Variants in EPHA5 observed in about 807,000 individuals in gnomAD.
EPHA5 encodes the protein ephrin type-A receptor 5.
A neutral mutation model predicts 105.0 loss-of-function variants in EPHA5; 60 were observed. The ratio of observed to expected loss-of-function variants is 0.57; its 90% CI spans 0.46 to 0.71. EPHA5 has a LOEUF of 0.71. Among genes scored for constraint, EPHA5 ranks in the 30% least tolerant of loss-of-function variants. The pLI, the probability that EPHA5 is intolerant of heterozygous loss-of-function variation, is 0.00. For synonymous variants in EPHA5, 513 were observed against 449.1 expected (o/e 1.14, Z -1.80); for missense variants, 1,218 against 1,274.7 (o/e 0.96, Z 0.68).
chr4:65,529,118 C>T (rs1243717371), intron 3 of EPHA5, among the ~76,000 whole-genome samples: 1 of 152,014 alleles, frequency 6.6e-6, no homozygotes, highest in Non-Finnish European at 1.5e-5. Flanking sequence ...TTTAAAACAA[C>T]TATAGTATAA....
At chr4:65,522,006 C>T (rs1734777347) in intron 3 of EPHA5, among the ~76,000 whole-genome samples, 1 of 151,950 alleles carries the variant, frequency 6.6e-6, no homozygotes, top group Admixed American at 6.6e-5. Context: ...ATTTCATAGT[C>T]TATCTAAAAA....
At chr4:65,618,169 G>A (rs1745410211) in intron 2 of EPHA5, among the ~76,000 whole-genome samples, 1 of 152,046 alleles carries the variant, frequency 6.6e-6, no homozygotes, top group Admixed American at 6.6e-5. Context: ...AGGAGAACAA[G>A]AGCCCCAATG....
chr4:65,635,361 C>CT (rs1747023994), intron 2 of EPHA5, among the ~76,000 whole-genome samples: 1 of 152,030 alleles, frequency 6.6e-6, no homozygotes, highest in Non-Finnish European at 1.5e-5. Context: ...CCTAAAAGTT[C>CT]TTAAGATCAG....
Position 65,323,261 on chromosome 4 carries a change from G to A in EPHA5, c.*853C>T, listed in dbSNP as rs1205506151. On this transcript the variant is annotated 3_prime_UTR_variant, in exon 17 of 17. Transcript: ENST00000613740. ...GAGACACAAGCTTGTGTTAAATTTTGTTTTACTGCTTCCCTATTTCTCCTA... is the reference window on the plus strand; with the variant it reads ...GAGACACAAGCTTGTGTTAAATTTTATTTTACTGCTTCCCTATTTCTCCTA... 1 of 229,130 alleles carries A rather than the reference G, an allele frequency of 4.4e-6. No individual in the cohort carries two copies. Among genetic ancestry groups the A allele is most frequent in the African/African-American group, 2.2e-5 (1 of 45,030 alleles). 14.2% of individuals were successfully genotyped at this position (229,130 alleles called of 1,614,324 possible).
At chr4:65,467,302 A>G (rs937680054) in intron 5 of EPHA5, among the ~76,000 whole-genome samples, 1 of 152,186 alleles carries the variant, frequency 6.6e-6, no homozygotes, top group South Asian at 2.1e-4. Context: ...GTATTCCAAC[A>G]GTGGTAGATT....
chr4:65,573,386 G>A, intron 3 of EPHA5: 1 of 922,520 alleles, frequency 1.1e-6, no homozygotes, highest in South Asian at 1.9e-5. Context: ...ACTCCAGCCT[G>A]GGTGACCGAG....
chr4:65,384,613 G>A (rs984408443), intron 8 of EPHA5, among the ~76,000 whole-genome samples: 1 of 151,772 alleles, frequency 6.6e-6, no homozygotes, highest in Non-Finnish European at 1.5e-5. Flanking sequence ...GTCTGCCTTT[G>A]GGTTTCTACC....
intron 3 of EPHA5, among the ~76,000 whole-genome samples, chr4:65,553,395 A>T (rs2149343734): frequency 6.6e-6 from 1 of 152,134 alleles, no homozygotes; most frequent in East Asian, 1.9e-4. Flanking sequence ...CTGTTACTTT[A>T]TGTTTTCTCC....
chr4:65,579,048 G>A (rs1026297387), intron 3 of EPHA5, among the ~76,000 whole-genome samples: 7 of 151,822 alleles, frequency 4.6e-5, no homozygotes, highest in Admixed American at 3.3e-4. Flanking sequence ...GTTTCAAAAT[G>A]TTAATCTAAA....
At chr4:65,418,615 T>A (rs1190941150) in intron 6 of EPHA5, among the ~76,000 whole-genome samples, 1 of 152,178 alleles carries the variant, frequency 6.6e-6, no homozygotes, top group Non-Finnish European at 1.5e-5. Context: ...CAGTAAGACA[T>A]TCCTAGAAAG....
intron 2 of EPHA5, among the ~76,000 whole-genome samples, chr4:65,635,764 T>G (rs555211016): frequency 4.1e-4 from 63 of 152,290 alleles, no homozygotes; most frequent in African/African-American, 1.5e-3. Context: ...CTATATAAAT[T>G]AATCAATACA....
intron 11 of EPHA5, 80 bp from the exon 12 acceptor site, chr4:65,353,183 T>C (rs538545705): frequency 6.0e-6 from 3 of 501,722 alleles, no homozygotes; most frequent in Non-Finnish European, 3.3e-6. Flanking sequence ...CAGAAGTTTT[T>C]ATTAGTGTCA....
intron 3 of EPHA5, among the ~76,000 whole-genome samples, chr4:65,534,951 G>A (rs796679920): frequency 1.3e-5 from 2 of 152,086 alleles, no homozygotes; most frequent in African/African-American, 2.4e-5. Context: ...TGGACAGCCA[G>A]GTAAAATATG....
At chr4:65,616,982 T>C (rs1051506645) in intron 2 of EPHA5, among the ~76,000 whole-genome samples, 1 of 152,110 alleles carries the variant, frequency 6.6e-6, no homozygotes, top group African/African-American at 2.4e-5. Context: ...GCAATATGTA[T>C]AGAAAAGCGA....
At chr4:65,602,439 G>T in intron 2 of EPHA5, 135 bp from the exon 3 acceptor site, 1 of 620,592 alleles carries the variant, frequency 1.6e-6, no homozygotes, top group South Asian at 3.5e-5. Flanking sequence ...ATTTACAGAA[G>T]GAACTAGATA....
chr4:65,485,225 A>G (rs1419551453), intron 5 of EPHA5, among the ~76,000 whole-genome samples: 1 of 151,940 alleles, frequency 6.6e-6, no homozygotes, highest in Non-Finnish European at 1.5e-5. Context: ...AATTGGCCAA[A>G]GAATTCTTTA....
At chr4:65,576,077 A>G (rs978753176) in intron 3 of EPHA5, among the ~76,000 whole-genome samples, 12 of 92,952 alleles carry the variant, frequency 1.3e-4, no homozygotes, top group Admixed American at 2.8e-4. Flanking sequence ...AGAAAAGAAA[A>G]GAAAAGAAAA....
chr4:65,621,650 C>A (rs916666798), intron 2 of EPHA5, among the ~76,000 whole-genome samples: 5 of 151,990 alleles, frequency 3.3e-5, no homozygotes, highest in African/African-American at 1.2e-4. Context: ...CCAGGAGAAA[C>A]ATTAATATAC....
At chr4:65,365,649 C>CAA (rs1717804175) in intron 10 of EPHA5, among the ~76,000 whole-genome samples, 1 of 64,852 alleles carries the variant, frequency 1.5e-5, no homozygotes, top group Non-Finnish European at 3.5e-5. Context: ...TACAAATTCA[C>CAA]TATATATATA....
Sources: gnomAD v4.1 joint callset for allele counts (sites outside exome capture counted in the v4.1 genomes callset) on GRCh38, gnomAD v4.1.1 for gene constraint, MANE v1.5 for transcripts, NCBI Gene and HGNC (gene_info 2026-07-23, HGNC 2026-07-21) for gene names.